Variants in SLC6A15 observed in about 807,000 individuals in gnomAD.
SLC6A15 encodes sodium-dependent neutral amino acid transporter B(0)AT2.
A neutral mutation model predicts 68.5 loss-of-function variants in SLC6A15; 33 were observed. The observed-to-expected ratio is 0.48, with a 90% CI of 0.37 to 0.64. SLC6A15 has a LOEUF of 0.64. Ranked by LOEUF, SLC6A15 falls within the 30% of genes least tolerant of loss-of-function variation. The pLI, the probability that SLC6A15 is intolerant of heterozygous loss-of-function variation, is 0.00. For missense variants in SLC6A15, 747 were observed against 874.3 expected, an observed-to-expected ratio of 0.85 and a Z score of 1.84; for synonymous variants, 347 against 301.0, an observed-to-expected ratio of 1.15 and a Z score of -1.58.
intron 6 of SLC6A15, among the ~76,000 whole-genome samples, chr12:84,875,171 G>C (rs1426371675): frequency 6.6e-6 from 1 of 152,070 alleles, no homozygotes; most frequent in African/African-American, 2.4e-5. Flanking sequence ...ACAGAATTTT[G>C]GTTGTCTTGA....
chr12:84,876,873 G>A (rs962852670), intron 5 of SLC6A15, among the ~76,000 whole-genome samples: 1 of 152,150 alleles, frequency 6.6e-6, no homozygotes, highest in Non-Finnish European at 1.5e-5. Flanking sequence ...CAATAGTGTT[G>A]ATTCCTTATA....
At chr12:84,900,980 GTATATATGTGTATAGATATGTA>G (rs1565732953) in intron 1 of SLC6A15, among the ~76,000 whole-genome samples, 2 of 139,224 alleles carry the variant, frequency 1.4e-5, no homozygotes, top group Non-Finnish European at 3.1e-5. Flanking sequence ...ATATATACAT[GTATATATGTGTATAGATATGTA>G]TATATATACA....
At chr12:84,895,339 A>ATT (rs67339994) in intron 1 of SLC6A15, among the ~76,000 whole-genome samples, 1,455 of 54,740 alleles carry the variant, frequency 0.027, 414 homozygotes, top group African/African-American at 0.076. Context: ...TTTTGTTTGT[A>ATT]TTTTTTTTTT....
intron 6 of SLC6A15, chr12:84,874,371 A>C (rs541059926): frequency 4.6e-5 from 7 of 152,338 alleles, no homozygotes; most frequent in African/African-American, 1.7e-4. Flanking sequence ...TAGATGAGCT[A>C]TAGCGGCATA....
intron 10 of SLC6A15, among the ~76,000 whole-genome samples, chr12:84,865,149 G>C (rs1375007218): frequency 6.6e-6 from 1 of 152,112 alleles, no homozygotes; most frequent in Non-Finnish European, 1.5e-5. Context: ...GTAAAGCTTA[G>C]AGAAACCTGG....
intron 5 of SLC6A15, chr12:84,880,968 T>C: frequency 4.4e-6 from 3 of 688,150 alleles, no homozygotes; most frequent in Non-Finnish European, 5.4e-6. Context: ...TCTGGCCAAC[T>C]ATTTATTTTC....
intron 5 of SLC6A15, chr12:84,882,033 T>G: frequency 1.0e-6 from 1 of 983,502 alleles, no homozygotes; most frequent in Non-Finnish European, 1.2e-6. Context: ...CTATATAAAT[T>G]TACACTACAT....
rs1015498663 is a variant in SLC6A15 at position 84,872,677 on chromosome 12, G to A, written c.1227C>T (p.Ile409=). 8 of 1,612,178 alleles carry A rather than the reference G, an allele frequency of 5.0e-6. No individual in the cohort carries two copies. Among genetic ancestry groups the A allele is most frequent in the Admixed American group, 1.7e-5 (1 of 59,900 alleles). ...ACTCTTCTTCTTTCACTTTTTGAAT[G>A]ATGTCATAAACTAAATGATAATCTT... ...TAEDYHLVYD[I]IQKVKEEEFP... is the part of the protein sequence containing the mutation. Residue 409 remains isoleucine (I), a synonymous_variant, in exon 8 of 12, where the codon ATC becomes ATT. Transcript: ENST00000266682.
intron 9 of SLC6A15, among the ~76,000 whole-genome samples, chr12:84,869,415 T>C (rs1871194349): frequency 7.6e-6 from 1 of 131,448 alleles, no homozygotes; most frequent in South Asian, 2.4e-4. Context: ...TGAGCTGAGA[T>C]CGCACTACTG....
chr12:84,896,011 T>G (rs774099687), intron 1 of SLC6A15, among the ~76,000 whole-genome samples: 10 of 152,126 alleles, frequency 6.6e-5, no homozygotes, highest in African/African-American at 2.4e-4. Flanking sequence ...GGAAGAGAGA[T>G]AGAGTGATAA....
intron 1 of SLC6A15, among the ~76,000 whole-genome samples, chr12:84,904,756 G>A (rs1223413736): frequency 6.6e-6 from 1 of 152,084 alleles, no homozygotes; most frequent in Non-Finnish European, 1.5e-5. Context: ...AATTATCATT[G>A]CAAAATCTGC....
intron 1 of SLC6A15, among the ~76,000 whole-genome samples, chr12:84,892,605 A>G (rs993920799): frequency 1.3e-5 from 2 of 152,046 alleles, no homozygotes; most frequent in Non-Finnish European, 2.9e-5. Context: ...CTTTTTCTTA[A>G]TTCTTTATTT....
At chr12:84,887,703 T>C (rs1397911726) in intron 2 of SLC6A15, among the ~76,000 whole-genome samples, 2 of 151,378 alleles carry the variant, frequency 1.3e-5, no homozygotes, top group East Asian at 1.9e-4. Context: ...CGCATGTGAA[T>C]GAGTAAGAAA....
At chr12:84,905,983 A>C (rs1011455225) in intron 1 of SLC6A15, among the ~76,000 whole-genome samples, 9 of 152,172 alleles carry the variant, frequency 5.9e-5, no homozygotes, top group Non-Finnish European at 4.4e-5. Context: ...CATTTCAAGA[A>C]TGTTATATGA....
intron 9 of SLC6A15, among the ~76,000 whole-genome samples, chr12:84,868,228 T>C (rs1163470556): frequency 1.3e-5 from 2 of 152,208 alleles, no homozygotes; most frequent in African/African-American, 2.4e-5. Flanking sequence ...TGTAAACATA[T>C]AATGTAGAAT....
intron 9 of SLC6A15, among the ~76,000 whole-genome samples, chr12:84,868,835 C>A (rs559310573): frequency 3.3e-5 from 5 of 152,226 alleles, no homozygotes; most frequent in Non-Finnish European, 7.4e-5. Flanking sequence ...CCTTAACCTG[C>A]AAGCCTTTTA....
chr12:84,863,283 C>T (rs1335257570), intron 11 of SLC6A15, among the ~76,000 whole-genome samples, 156 bp downstream of exon 11: 3 of 151,906 alleles, frequency 2.0e-5, no homozygotes, highest in East Asian at 1.9e-4. Context: ...CACATATGCT[C>T]GGGGCAGAGC....
Position 84,868,533 on chromosome 12 carries a change from A to C in SLC6A15, c.1496-1340T>G, listed in dbSNP as rs192489805. ...GTATGAGGCAAATATAAAAAAGTGC[A>C]TTATAAGTGGTACAGACAGTAAGAG... On this transcript the variant is annotated intron_variant, in intron 9 of 11. Coordinates refer to ENST00000266682, the MANE Select transcript of SLC6A15 (RefSeq NM_182767.6). 3.3e-5 allele frequency among the ~76,000 whole-genome samples: 5 copies of C among 152,326 alleles called. No individual in the cohort carries two copies. The East Asian group carries it at 9.7e-4, about 29-fold the overall frequency.
chr12:84,899,190 T>C (rs1415403692), intron 1 of SLC6A15, among the ~76,000 whole-genome samples: 2 of 152,208 alleles, frequency 1.3e-5, no homozygotes, highest in Admixed American at 6.5e-5. Flanking sequence ...TCTCTCTATT[T>C]CACATTGGCT....
Sources: gnomAD v4.1 joint callset for allele counts (sites outside exome capture counted in the v4.1 genomes callset) on GRCh38, gnomAD v4.1.1 for gene constraint, MANE v1.5 for transcripts, NCBI Gene and HGNC (gene_info 2026-07-23, HGNC 2026-07-21) for gene names.